RRAS2: variants seen among roughly 807,000 people sequenced by gnomAD.
RRAS2 encodes ras-related protein R-Ras2.
A neutral mutation model predicts 27.6 loss-of-function variants in RRAS2; 7 were observed. The observed-to-expected ratio is 0.25, with a 90% confidence interval of 0.14 to 0.48. The LOEUF is 0.48. RRAS2 is among the 20% of genes least tolerant of loss of function. The pLI is 0.99. For synonymous variants in RRAS2, 86 were observed against 90.9 expected (o/e 0.95, Z 0.31); for missense variants, 178 against 256.2 (o/e 0.69, Z 2.08).
chr11:14,327,632 ACTG>A (rs1303824571), intron 1 of RRAS2, among the ~76,000 whole-genome samples: 3 of 152,312 alleles, frequency 2.0e-5, no homozygotes, highest in East Asian at 3.9e-4. Flanking sequence ...TATTTGTATG[ACTG>A]CTACCAGAAT....
intron 1 of RRAS2, among the ~76,000 whole-genome samples, chr11:14,296,442 T>G (rs556238269): frequency 2.0e-5 from 3 of 152,298 alleles, no homozygotes; most frequent in Admixed American, 2.0e-4. Flanking sequence ...ATCTACAACT[T>G]TTTTCATAAT....
chr11:14,309,752 C>T (rs1847916590), intron 1 of RRAS2, among the ~76,000 whole-genome samples: 1 of 152,132 alleles, frequency 6.6e-6, no homozygotes, highest in South Asian at 2.1e-4. Context: ...GCTACAACAA[C>T]AAACATGAGA....
chr11:14,289,782 T>A (rs1212686337), intron 4 of RRAS2, among the ~76,000 whole-genome samples: 2 of 152,210 alleles, frequency 1.3e-5, no homozygotes, highest in Non-Finnish European at 1.5e-5. Flanking sequence ...AAGCCTCTTC[T>A]GGATGATATC....
intron 4 of RRAS2, among the ~76,000 whole-genome samples, chr11:14,288,978 A>G (rs1414629555): frequency 1.3e-5 from 2 of 152,334 alleles, no homozygotes; most frequent in Non-Finnish European, 2.9e-5. Flanking sequence ...CCTCTGTTCT[A>G]TATGCTAACG....
chr11:14,358,731 TC>T lies in RRAS2; in HGVS notation c.108+31del. The T allele has an allele frequency of 7.9e-7, 1 of 1,258,144 alleles. No homozygotes were observed. The highest frequency in any genetic ancestry group is 1.0e-6 in the Non-Finnish European group (1 of 993,346). 77.9% of individuals were successfully genotyped at this position (1,258,144 alleles called of 1,614,324 possible). On this transcript the variant is annotated intron_variant, in intron 1 of 5. Transcript: ENST00000256196. This position sits in a 1 kb window ranked among gnomAD's most constrained non-coding sequence, Gnocchi z 5.1. ...AGCGCCAGCCCCCGCCCGCCGCCGC[TC>T]CGGCGCCCCGGGCAGGCCCGCTCCA...
At chr11:14,303,213 A>G (rs534072331) in intron 1 of RRAS2, among the ~76,000 whole-genome samples, 1 of 152,312 alleles carries the variant, frequency 6.6e-6, no homozygotes, top group Non-Finnish European at 1.5e-5. Context: ...AAATACATAT[A>G]CCAAGCTTAA....
intron 1 of RRAS2, among the ~76,000 whole-genome samples, chr11:14,305,609 CTG>C (rs1422991431): frequency 2.1e-4 from 32 of 152,296 alleles, no homozygotes; most frequent in Middle Eastern, 6.8e-3. Flanking sequence ...TACAAAAACA[CTG>C]TATCTCTCTT....
chr11:14,350,897 T>A lies in RRAS2; in HGVS notation c.108+7866A>T, dbSNP rs576759671. Among the ~76,000 whole-genome samples the A allele has an allele frequency of 1.3e-3, 198 of 152,294 alleles. 1 individual carries two copies. The highest frequency in any genetic ancestry group is 2.5e-3 in the South Asian group (12 of 4,828). ...CCATATCAGTTAATCATGCCCTCAG[T>A]CTTTTTCACAGGTGCATAATGCTCC... On this transcript the variant is annotated intron_variant, in intron 1 of 5. Transcript: ENST00000256196.
At chr11:14,294,249 T>C (rs1416420106) in intron 4 of RRAS2, among the ~76,000 whole-genome samples, 3 of 152,218 alleles carry the variant, frequency 2.0e-5, no homozygotes, top group African/African-American at 7.2e-5. Flanking sequence ...TGAAAAACTA[T>C]TTGAAAATAA....
At chr11:14,343,549 C>T (rs1398942259) in intron 1 of RRAS2, among the ~76,000 whole-genome samples, 3 of 152,196 alleles carry the variant, frequency 2.0e-5, no homozygotes, top group Non-Finnish European at 2.9e-5. Context: ...GTAGGCCAGG[C>T]GTGGTGGCTC....
intron 1 of RRAS2, among the ~76,000 whole-genome samples, chr11:14,316,884 C>T (rs1848120195): frequency 6.6e-6 from 1 of 152,194 alleles, no homozygotes; most frequent in Admixed American, 6.5e-5. Context: ...AAATAAATGA[C>T]TATCAGTTCC....
intron 1 of RRAS2, among the ~76,000 whole-genome samples, chr11:14,310,249 A>C (rs550894543): frequency 6.6e-6 from 1 of 152,352 alleles, no homozygotes; most frequent in South Asian, 2.1e-4. Context: ...GGTTTTGTAC[A>C]TGTTCTGTTA....
At chr11:14,350,781 G>A (rs1817440697) in intron 1 of RRAS2, among the ~76,000 whole-genome samples, 1 of 152,102 alleles carries the variant, frequency 6.6e-6, no homozygotes, top group Admixed American at 6.6e-5. Context: ...GGTGTCCTGA[G>A]CCGCATGCCA....
chr11:14,280,821 G>C (rs1849512890), intron 5 of RRAS2, among the ~76,000 whole-genome samples: 2 of 147,394 alleles, frequency 1.4e-5, no homozygotes, highest in South Asian at 4.3e-4. Context: ...CTACAGAGCA[G>C]AGTATGAAAC....
At chr11:14,338,231 A>C (rs1848627010) in intron 1 of RRAS2, among the ~76,000 whole-genome samples, 1 of 152,214 alleles carries the variant, frequency 6.6e-6, no homozygotes, top group East Asian at 1.9e-4. Context: ...CTATAAGGTA[A>C]GTACTATTAT....
At chr11:14,302,234 C>A (rs1847734829) in intron 1 of RRAS2, among the ~76,000 whole-genome samples, 1 of 152,126 alleles carries the variant, frequency 6.6e-6, no homozygotes, top group African/African-American at 2.4e-5. Flanking sequence ...AAGCAAAATT[C>A]TGTGATTCTC....
intron 1 of RRAS2, chr11:14,342,102 A>C: frequency 3.2e-6 from 1 of 310,226 alleles, no homozygotes; most frequent in Non-Finnish European, 5.1e-6. Flanking sequence ...TTTGGGTGAA[A>C]CCTCACCCTT....
chr11:14,334,238 C>A (rs1221334002), intron 1 of RRAS2, among the ~76,000 whole-genome samples: 1 of 152,104 alleles, frequency 6.6e-6, no homozygotes, highest in East Asian at 1.9e-4. Flanking sequence ...ATTTTACTAA[C>A]CTGTGTCAAT....
intron 1 of RRAS2, among the ~76,000 whole-genome samples, chr11:14,356,172 G>A (rs1849068500): frequency 6.6e-6 from 1 of 152,138 alleles, no homozygotes; most frequent in African/African-American, 2.4e-5. Context: ...AGCTGAGACT[G>A]CATCCAGGTG....
Sources: allele counts gnomAD v4.1 joint callset (sites outside exome capture counted in the v4.1 genomes callset), GRCh38; gene constraint gnomAD v4.1.1; non-coding constraint Gnocchi (gnomAD v3.1); transcripts MANE v1.5; gene names NCBI Gene and HGNC (gene_info 2026-07-23, HGNC 2026-07-21).